The following POLK variants were observed in gnomAD, a reference collection of about 807,000 sequenced individuals.
POLK encodes the protein DNA polymerase kappa.
Under a neutral mutation model 94.0 loss-of-function variants are expected in POLK, and 76 were observed. The ratio of observed to expected loss-of-function variants is 0.81; its 90% CI spans 0.67 to 0.98. The LOEUF (loss-of-function observed/expected upper bound fraction) is 0.98, where lower values mean the gene tolerates loss of function less well. Ranked by LOEUF, POLK falls within the 50% of genes least tolerant of loss-of-function variation. The pLI, the probability that POLK is intolerant of heterozygous loss-of-function variation, is 0.00. For synonymous variants in POLK, 349 were observed against 325.4 expected, an observed-to-expected ratio of 1.07 and a Z score of -0.78; for missense variants, 954 against 1,010.1, an observed-to-expected ratio of 0.94 and a Z score of 0.75.
At chr5:75,581,302 C>G in exon 7 of POLK, 1 of 1,613,670 alleles carries the variant, frequency 6.2e-7, no homozygotes, top group Non-Finnish European at 8.5e-7. Context: ...GTGCAGCCCC[C>G]AGGAGATCCT....
chr5:75,562,844 A>G (rs998847636), intron 3 of POLK, among the ~76,000 whole-genome samples: 4 of 152,230 alleles, frequency 2.6e-5, no homozygotes, highest in Non-Finnish European at 5.9e-5. Context: ...CCAGCCTTAC[A>G]TCCCAGGGAT....
chr5:75,563,811 C>T (rs1771120770), intron 3 of POLK, among the ~76,000 whole-genome samples: 1 of 152,074 alleles, frequency 6.6e-6, no homozygotes, highest in Admixed American at 6.5e-5. Context: ...GTTTTACTTC[C>T]AATTATGTGG....
intron 1 of POLK, among the ~76,000 whole-genome samples, chr5:75,527,993 ACT>A (rs1404234396): frequency 2.6e-5 from 4 of 152,162 alleles, no homozygotes; most frequent in Non-Finnish European, 5.9e-5. Flanking sequence ...GAATATTGGT[ACT>A]CTCAGACAAA....
At chr5:75,590,611 T>C (rs1301971186) in intron 11 of POLK, 171 bp downstream of exon 11, 2 of 563,790 alleles carry the variant, frequency 3.5e-6, no homozygotes, top group African/African-American at 3.7e-5. Context: ...TTCTGACCCA[T>C]ATCTGGAGTC....
chr5:75,548,067 C>T (rs1031195546), intron 2 of POLK, among the ~76,000 whole-genome samples: 18 of 152,050 alleles, frequency 1.2e-4, no homozygotes, highest in African/African-American at 4.1e-4. Flanking sequence ...GGACAATAGG[C>T]ACATGCCACC....
At chr5:75,511,025 C>A, upstream of POLK, 1 of 1,435,532 alleles carries the variant, frequency 7.0e-7, no homozygotes, top group African/African-American at 1.4e-5. Context: ...TTCCGCGCCT[C>A]CCGCCAGCCC....
At chr5:75,511,010 G>T, upstream of POLK, 1 of 1,395,032 alleles carries the variant, frequency 7.2e-7, no homozygotes, top group Non-Finnish European at 9.4e-7. Flanking sequence ...TCGCACCCCG[G>T]CACGTTCCGC....
intron 3 of POLK, among the ~76,000 whole-genome samples, chr5:75,557,980 G>T (rs752348915): frequency 6.6e-6 from 1 of 152,012 alleles, no homozygotes; most frequent in Non-Finnish European, 1.5e-5. Flanking sequence ...GTTGAGACAG[G>T]GTTTCACCAT....
intron 1 of POLK, among the ~76,000 whole-genome samples, chr5:75,525,696 C>T (rs574923140): frequency 2.6e-5 from 4 of 152,284 alleles, no homozygotes; most frequent in African/African-American, 9.6e-5. Flanking sequence ...TGATCATGGC[C>T]TTAGCAGAAA....
intron 1 of POLK, among the ~76,000 whole-genome samples, chr5:75,541,150 G>A (rs1769719029): frequency 6.6e-6 from 1 of 152,060 alleles, no homozygotes; most frequent in South Asian, 2.1e-4. Flanking sequence ...AGGCGTGGTG[G>A]TGCATGCCTG....
Position 75,582,129 on chromosome 5 carries a change from A to G in POLK, c.934+681A>G, listed in dbSNP as rs1241949198. 3 of 987,434 alleles carry G rather than the reference A, an allele frequency of 3.0e-6. No individual in the cohort carries two copies. In the East Asian group the frequency reaches 3.4e-4, roughly 112 times the overall value. 61.2% of individuals were successfully genotyped at this position (987,434 alleles called of 1,614,324 possible). Reference sequence around the variant, plus strand: ...AGAACCCAGACGGCCACAAGGTAAGAGACAAAAGAAATACTAACTAGCAAC... The same window carrying G: ...AGAACCCAGACGGCCACAAGGTAAGGGACAAAAGAAATACTAACTAGCAAC... On this transcript the variant is annotated intron_variant, in intron 7 of 14. Coordinates refer to ENST00000241436, the Ensembl canonical transcript of POLK.
intron 1 of POLK, among the ~76,000 whole-genome samples, chr5:75,544,105 A>G (rs971991692): frequency 4.6e-5 from 7 of 152,334 alleles, no homozygotes; most frequent in East Asian, 1.9e-4. Context: ...ACAAAGTGCT[A>G]AGATTACAGC....
chr5:75,586,575 G>T (rs1772481465), intron 9 of POLK, among the ~76,000 whole-genome samples: 1 of 152,104 alleles, frequency 6.6e-6, no homozygotes, highest in South Asian at 2.1e-4. Flanking sequence ...TCTGACTGAG[G>T]TTCTATTATA....
intron 1 of POLK, among the ~76,000 whole-genome samples, chr5:75,528,140 A>T (rs1238541950): frequency 6.6e-6 from 1 of 152,220 alleles, no homozygotes; most frequent in Non-Finnish European, 1.5e-5. Flanking sequence ...CTAGAAAACA[A>T]TATGTAGGAT....
At chr5:75,590,057 G>A (rs561670950) in intron 10 of POLK, among the ~76,000 whole-genome samples, 2 of 152,194 alleles carry the variant, frequency 1.3e-5, no homozygotes, top group Non-Finnish European at 2.9e-5. Context: ...AGTTCTGGAG[G>A]CATTACCATT....
chr5:75,518,346 T>A (rs376851339), intron 1 of POLK, among the ~76,000 whole-genome samples: 310 of 152,302 alleles, frequency 2.0e-3, no homozygotes, highest in Middle Eastern at 3.4e-3. Context: ...TTCAGTTTAT[T>A]CATGTTTCAA....
rs1345829734 is a variant in POLK at position 75,596,251 on chromosome 5, GA to G, written c.1559del (p.Glu520GlyfsTer28). 3.1e-6 allele frequency: 5 copies of G among 1,597,960 alleles called. No individual in the cohort carries two copies. The Admixed American group carries it at 7.1e-5, about 23-fold the overall frequency. ...TCGGATATCTAGTTTTCCCAATGAAGAGGACAGGAAACACCAACAAAGGAGC... is the reference window on the plus strand; with the variant it reads ...TCGGATATCTAGTTTTCCCAATGAAGGGACAGGAAACACCAACAAAGGAGC... On this transcript the variant is annotated frameshift_variant, in exon 13 of 15. Transcript: ENST00000241436. LOFTEE classifies it high-confidence loss of function.
At chr5:75,523,362 A>G (rs772698061) in intron 1 of POLK, among the ~76,000 whole-genome samples, 13 of 152,316 alleles carry the variant, frequency 8.5e-5, no homozygotes, top group Middle Eastern at 3.4e-3. Context: ...AAATCAGTTC[A>G]TAGTAGAACC....
At chr5:75,603,934 G>A (rs1773358621), downstream of POLK, among the ~76,000 whole-genome samples, 1 of 152,178 alleles carries the variant, frequency 6.6e-6, no homozygotes, top group African/African-American at 2.4e-5. Flanking sequence ...GGCCCCCGAT[G>A]TTGGTTTCTC....
Sources: gnomAD v4.1 joint callset for allele counts (sites outside exome capture counted in the v4.1 genomes callset) on GRCh38, gnomAD v4.1.1 for gene constraint, MANE v1.5 for transcripts, NCBI Gene and HGNC (gene_info 2026-07-23, HGNC 2026-07-21) for gene names.